The following RFC3 variants were observed in gnomAD, a reference collection of about 807,000 sequenced individuals.
The protein encoded by RFC3 is replication factor C subunit 3.
RFC3 carries 41 observed loss-of-function variants against 45.1 expected under a neutral mutation model. That is an observed-to-expected ratio of 0.91 (90% CI 0.71 to 1.18). The LOEUF is 1.18. Ranked by LOEUF, RFC3 falls within the 50% of genes most tolerant of loss-of-function variation. RFC3 has a pLI of 0.00. For synonymous variants in RFC3, 149 were observed against 144.0 expected (o/e 1.03, Z -0.25); for missense variants, 423 against 428.1 (o/e 0.99, Z 0.10).
chr13:33,823,899 CTT>C lies in RFC3; in HGVS notation c.226-14_226-13del. 1 of 1,371,412 alleles carries C rather than the reference CTT, an allele frequency of 7.3e-7. No individual in the cohort carries two copies. Among genetic ancestry groups the C allele is most frequent in the East Asian group, 2.4e-5 (1 of 41,486 alleles). 85.0% of individuals were successfully genotyped at this position (1,371,412 alleles called of 1,614,324 possible). ...GGCAATAAATAAATGTTAAAAATAT[CTT>C]TTTCTTTGTCCACAGACTCCATCTA... On this transcript the variant is annotated splice_polypyrimidine_tract_variant and intron_variant, in intron 2 of 8. Transcript: ENST00000380071.
At chr13:33,894,292 G>A (rs1420686321) in intron 8 of RFC3, among the ~76,000 whole-genome samples, 2 of 152,160 alleles carry the variant, frequency 1.3e-5, no homozygotes, top group Admixed American at 6.6e-5. Flanking sequence ...AGCTGATTTA[G>A]TGAGTGGTGG....
the RFC3 span, among the ~76,000 whole-genome samples, chr13:33,974,749 A>G: frequency 6.6e-6 from 1 of 152,264 alleles, no homozygotes; most frequent in African/African-American, 2.4e-5. Context: ...TGAAGAAGAA[A>G]TAAAGGTGCC....
chr13:33,835,171 T>A lies in RFC3; in HGVS notation c.833T>A (p.Leu278Gln), dbSNP rs1324819232. 3 of 1,609,548 alleles carry A rather than the reference T, an allele frequency of 1.9e-6. No homozygotes were observed. Among genetic ancestry groups the A allele is most frequent in the Non-Finnish European group, 2.6e-6 (3 of 1,176,310 alleles). ...PQRLLEVRGRLYELLTHCIPP... is the reference protein window; with the variant it reads ...PQRLLEVRGRQYELLTHCIPP... Reference sequence around the variant, plus strand: ...AGGCTCCTTGAAGTTCGTGGAAGGCTGTATGAGCTTCTAACTCATTGTATT... The same window carrying A: ...AGGCTCCTTGAAGTTCGTGGAAGGCAGTATGAGCTTCTAACTCATTGTATT... The change falls in exon 8 of 9, where the codon CTG becomes CAG. Residue 278 changes from leucine (L) to glutamine (Q), a missense_variant. Coordinates refer to ENST00000380071, the MANE Select transcript of RFC3 (RefSeq NM_002915.4).
rs1021610136 is a variant in RFC3, at chr13:33,825,794, C to G, written c.299C>G (p.Ala100Gly). 3 of 1,591,756 alleles carry G rather than the reference C, an allele frequency of 1.9e-6. No homozygotes were observed. In the African/African-American group the frequency reaches 4.1e-5, roughly 22 times the overall value. The change falls in exon 4 of 9, where the codon GCT becomes GGT. Residue 100 changes from alanine to glycine, a missense_variant. Coordinates refer to ENST00000380071, the MANE Select transcript of RFC3 (RefSeq NM_002915.4). Reference sequence around the variant, plus strand: ...ATTATTTTTGTTTTGTGTAGTGATGCTGGAAATAGTGACCGAGTAGTCATT... The same window carrying G: ...ATTATTTTTGTTTTGTGTAGTGATGGTGGAAATAGTGACCGAGTAGTCATT... ...NYHLEVNPSD[A>G]GNSDRVVIQE...
At chr13:33,889,282 C>A (rs1048214592) in intron 8 of RFC3, among the ~76,000 whole-genome samples, 1 of 152,132 alleles carries the variant, frequency 6.6e-6, no homozygotes, top group Non-Finnish European at 1.5e-5. Context: ...AAGCGTTGAA[C>A]CAACAGGGCT....
intron 8 of RFC3, among the ~76,000 whole-genome samples, chr13:33,926,534 G>A (rs2082814776): frequency 6.6e-6 from 1 of 151,998 alleles, no homozygotes; most frequent in Non-Finnish European, 1.5e-5. Flanking sequence ...ATTCCCAGCA[G>A]ATTTTATTTC....
intron 8 of RFC3, chr13:33,966,018 C>G (rs1300645887): frequency 1.8e-5 from 20 of 1,125,536 alleles, no homozygotes; most frequent in Non-Finnish European, 2.4e-5. Flanking sequence ...CCTTTGTATC[C>G]TCTATGGAAT....
chr13:33,962,514 G>A (rs1345686879), intron 8 of RFC3, among the ~76,000 whole-genome samples: 1 of 152,152 alleles, frequency 6.6e-6, no homozygotes, highest in African/African-American at 2.4e-5. Flanking sequence ...CTGACAAATA[G>A]TCACAGCTTT....
Position 33,819,865 on chromosome 13 carries a change from C to G in RFC3, c.88-1267C>G, listed in dbSNP as rs1158353395. 2.6e-5 allele frequency among the ~76,000 whole-genome samples: 4 copies of G among 152,164 alleles called. No individual in the cohort carries two copies. The East Asian group carries it at 7.7e-4, about 29-fold the overall frequency. On this transcript the variant is annotated intron_variant, in intron 1 of 8. Transcript: ENST00000380071. ...AACTATGAAACATTTAAAGCATAAC[C>G]CTTATTTTTGATTAGATTGAAGTTG...
At chr13:33,896,240 A>T (rs913893725) in intron 8 of RFC3, among the ~76,000 whole-genome samples, 1 of 151,756 alleles carries the variant, frequency 6.6e-6, no homozygotes, top group Non-Finnish European at 1.5e-5. Flanking sequence ...ATAAAAAGAA[A>T]GTATAAAATA....
intron 8 of RFC3, among the ~76,000 whole-genome samples, chr13:33,928,733 T>G (rs2082832371): frequency 6.6e-6 from 1 of 152,112 alleles, no homozygotes; most frequent in South Asian, 2.1e-4. Flanking sequence ...TGCCTGTGTT[T>G]AAACCTGTAC....
the RFC3 span, among the ~76,000 whole-genome samples, chr13:33,972,656 A>G: frequency 1.3e-5 from 2 of 152,186 alleles, no homozygotes; most frequent in Non-Finnish European, 2.9e-5. Context: ...AAGATTCATA[A>G]TAAAATTGGT....
chr13:33,933,345 T>G (rs2082864528), intron 8 of RFC3, among the ~76,000 whole-genome samples: 2 of 152,150 alleles, frequency 1.3e-5, no homozygotes, highest in Non-Finnish European at 2.9e-5. Flanking sequence ...GCTCCTATTG[T>G]GTTAAAATGA....
At chr13:33,924,044 A>G (rs2082786251) in intron 8 of RFC3, among the ~76,000 whole-genome samples, 1 of 152,110 alleles carries the variant, frequency 6.6e-6, no homozygotes, top group Non-Finnish European at 1.5e-5. Flanking sequence ...CTTCTGGTTC[A>G]GCCCTGACAA....
chr13:33,867,024 T>C (rs1442296198), intron 8 of RFC3, among the ~76,000 whole-genome samples: 1 of 152,208 alleles, frequency 6.6e-6, no homozygotes, highest in Non-Finnish European at 1.5e-5. Flanking sequence ...ATAAGTTTCC[T>C]GATCTACGAA....
intron 8 of RFC3, among the ~76,000 whole-genome samples, chr13:33,871,506 A>G (rs948550382): frequency 1.3e-5 from 2 of 152,142 alleles, no homozygotes; most frequent in African/African-American, 4.8e-5. Flanking sequence ...TTGTGATGAC[A>G]TTGGCCACAG....
intron 8 of RFC3, among the ~76,000 whole-genome samples, chr13:33,899,220 A>AAAAAAAAAAG (rs2082622802): frequency 6.7e-6 from 1 of 149,168 alleles, no homozygotes; most frequent in Admixed American, 6.7e-5. Flanking sequence ...AAAAAAAAAA[A>AAAAAAAAAAG]AAAAAAAAAG....
intron 7 of RFC3, among the ~76,000 whole-genome samples, chr13:33,834,799 G>A (rs1237033029): frequency 2.0e-5 from 3 of 151,984 alleles, no homozygotes; most frequent in Admixed American, 6.6e-5. Context: ...CTCAACCCGC[G>A]CTCTTCATGA....
At chr13:33,838,371 A>G (rs1489602151), downstream of RFC3, among the ~76,000 whole-genome samples, 1 of 152,000 alleles carries the variant, frequency 6.6e-6, no homozygotes, top group Non-Finnish European at 1.5e-5. Flanking sequence ...GTCTGCTAAC[A>G]ATTTTCTCAG....
Sources: gnomAD v4.1 joint callset for allele counts (sites outside exome capture counted in the v4.1 genomes callset) on GRCh38, gnomAD v4.1.1 for gene constraint, MANE v1.5 for transcripts, NCBI Gene and HGNC (gene_info 2026-07-23, HGNC 2026-07-21) for gene names.